CDH11: variants seen among roughly 807,000 people sequenced by gnomAD.
CDH11 encodes cadherin-11.
A neutral mutation model predicts 67.8 loss-of-function variants in CDH11; 11 were observed. The observed-to-expected ratio is 0.16, with a 90% CI of 0.10 to 0.27. The LOEUF (loss-of-function observed/expected upper bound fraction) is 0.27, where lower values mean the gene tolerates loss of function less well. CDH11 is among the 10% of genes least tolerant of loss of function. The pLI is 1.00. For synonymous variants in CDH11, 419 were observed against 400.0 expected, an observed-to-expected ratio of 1.05 and a Z score of -0.57; for missense variants, 847 against 1,031.2, an observed-to-expected ratio of 0.82 and a Z score of 2.45.
rs771089094 is a variant in CDH11 at position 64,982,239 on chromosome 16, G to T, written c.1062C>A (p.Ile354=). The change falls in exon 8 of 13, where the codon ATC becomes ATA. Residue 354 remains isoleucine (I), a synonymous_variant. Coordinates refer to ENST00000268603, the MANE Select transcript of CDH11 (RefSeq NM_001797.4). ...GGCCATTGCTGATAAACTTCGGGTCGATGTGCACGTTGGCTGCCTCTACCT... is the reference window on the plus strand; with the variant it reads ...GGCCATTGCTGATAAACTTCGGGTCTATGTGCACGTTGGCTGCCTCTACCT... ...SLKVEAANVH[I]DPKFISNGPF... is the part of the protein sequence containing the mutation. The T allele has an allele frequency of 1.2e-6, 2 of 1,613,340 alleles. No individual in the cohort carries two copies. Among genetic ancestry groups the T allele is most frequent in the South Asian group, 1.1e-5 (1 of 91,068 alleles).
chr16:64,959,848 C>T (rs924487810), intron 11 of CDH11, among the ~76,000 whole-genome samples: 7 of 152,068 alleles, frequency 4.6e-5, no homozygotes, highest in South Asian at 2.1e-4. Flanking sequence ...GTCCTTAGTT[C>T]GGGGGGAAAA....
intron 2 of CDH11, among the ~76,000 whole-genome samples, chr16:65,046,206 C>T (rs2073959767): frequency 6.6e-6 from 1 of 152,176 alleles, no homozygotes; most frequent in Non-Finnish European, 1.5e-5. Flanking sequence ...ACAAGCTGAA[C>T]AGAAGAGATA....
At chr16:65,076,689 C>G (rs2074515987) in intron 1 of CDH11, among the ~76,000 whole-genome samples, 1 of 149,810 alleles carries the variant, frequency 6.7e-6, no homozygotes, top group African/African-American at 2.5e-5. Flanking sequence ...GCCCCCCACC[C>G]CCCGACAAGC....
At chr16:64,971,336 C>T (rs1367387806) in intron 11 of CDH11, among the ~76,000 whole-genome samples, 1 of 152,086 alleles carries the variant, frequency 6.6e-6, no homozygotes, top group Non-Finnish European at 1.5e-5. Flanking sequence ...GTAAGCTTCC[C>T]CACTTAGTTT....
chr16:65,034,440 T>C (rs2073711161), intron 2 of CDH11, among the ~76,000 whole-genome samples: 1 of 152,182 alleles, frequency 6.6e-6, no homozygotes, highest in South Asian at 2.1e-4. Flanking sequence ...ACTGCCAGGA[T>C]GCCAGCCACC....
At chr16:65,094,227 A>G (rs2074844375) in intron 1 of CDH11, among the ~76,000 whole-genome samples, 1 of 152,236 alleles carries the variant, frequency 6.6e-6, no homozygotes, top group Admixed American at 6.5e-5. Context: ...ACCATAATTT[A>G]TGACACATAG....
At chr16:64,957,893 G>A (rs946271506) in intron 11 of CDH11, among the ~76,000 whole-genome samples, 3 of 152,028 alleles carry the variant, frequency 2.0e-5, no homozygotes, top group Non-Finnish European at 4.4e-5. Context: ...CAATCCAAGG[G>A]ACTGAAATAA....
At chr16:65,082,325 T>C (rs2074624262) in intron 1 of CDH11, among the ~76,000 whole-genome samples, 1 of 152,172 alleles carries the variant, frequency 6.6e-6, no homozygotes, top group Admixed American at 6.5e-5. Context: ...TGCTCACCAT[T>C]GGACTGGGTG....
chr16:65,096,684 A>G (rs1026440377), intron 1 of CDH11, among the ~76,000 whole-genome samples: 4 of 149,186 alleles, frequency 2.7e-5, no homozygotes. Context: ...TTTGATATAT[A>G]CAAATATATA....
chr16:64,974,820 A>G (rs1266181120), intron 8 of CDH11, among the ~76,000 whole-genome samples: 2 of 152,230 alleles, frequency 1.3e-5, no homozygotes, highest in Non-Finnish European at 2.9e-5. Flanking sequence ...GGGAAGAAAG[A>G]TCATTAATAA....
At chr16:65,077,751 CAAATAT>C (rs2074538868) in intron 1 of CDH11, among the ~76,000 whole-genome samples, 1 of 152,198 alleles carries the variant, frequency 6.6e-6, no homozygotes, top group South Asian at 2.1e-4. Flanking sequence ...TCAAGTTTCA[CAAATAT>C]TTGGTGGAAC....
chr16:65,113,820 C>T (rs2075199358), intron 1 of CDH11, among the ~76,000 whole-genome samples: 1 of 152,146 alleles, frequency 6.6e-6, no homozygotes, highest in African/African-American at 2.4e-5. Flanking sequence ...TTCCACCGCA[C>T]CCCTCTGCCC....
chr16:65,095,055 C>T (rs190729520), intron 1 of CDH11, among the ~76,000 whole-genome samples: 1 of 152,148 alleles, frequency 6.6e-6, no homozygotes, highest in South Asian at 2.1e-4. Flanking sequence ...TCACCAGAAC[C>T]TGTGAAGTTG....
intron 1 of CDH11, among the ~76,000 whole-genome samples, chr16:65,055,869 G>A (rs2074133574): frequency 6.6e-6 from 1 of 152,194 alleles, no homozygotes; most frequent in Admixed American, 6.5e-5. Flanking sequence ...GTATTCAGAG[G>A]TGGGGCCTAT....
Position 65,121,099 on chromosome 16 carries a change from G to T in CDH11, c.-298+781C>A, listed in dbSNP as rs1293065514. Among the ~76,000 whole-genome samples the T allele has an allele frequency of 6.6e-6, 1 of 152,086 alleles. No individual in the cohort carries two copies. The highest frequency in any genetic ancestry group is 2.4e-5 in the African/African-American group (1 of 41,434). The stretch of plus-strand genomic sequence containing the variant: ...GGAAGGTGTGGTTCTCAAAGTTAAC[G>T]TTGACCCTGGCAGCTTTCGCCAATC... On this transcript the variant is annotated intron_variant, in intron 1 of 12. Coordinates refer to ENST00000268603, the MANE Select transcript of CDH11 (RefSeq NM_001797.4). The surrounding 1 kb of genome is among the most constrained non-coding windows in gnomAD (Gnocchi z 4.1).
At chr16:64,999,324 T>G (rs776906031) in intron 3 of CDH11, among the ~76,000 whole-genome samples, 5 of 152,178 alleles carry the variant, frequency 3.3e-5, no homozygotes, top group Non-Finnish European at 7.3e-5. Context: ...ATAAGAGATA[T>G]TCTATTCTAT....
chr16:64,959,217 C>T (rs2071604928), intron 11 of CDH11, among the ~76,000 whole-genome samples: 1 of 152,154 alleles, frequency 6.6e-6, no homozygotes, highest in Non-Finnish European at 1.5e-5. Flanking sequence ...TGCCTGTGTG[C>T]ATGTGAAATT....
chr16:65,086,450 G>A (rs529487348), intron 1 of CDH11, among the ~76,000 whole-genome samples: 4 of 152,314 alleles, frequency 2.6e-5, no homozygotes, highest in African/African-American at 7.2e-5. Flanking sequence ...AGCACACTGT[G>A]AAAGCTACAT....
intron 2 of CDH11, among the ~76,000 whole-genome samples, chr16:65,006,213 G>A (rs754004775): frequency 5.9e-5 from 9 of 152,170 alleles, no homozygotes; most frequent in African/African-American, 1.7e-4. Flanking sequence ...CCAATGTGAG[G>A]GAATCTGAGA....
Sources: gnomAD v4.1 joint callset for allele counts (sites outside exome capture counted in the v4.1 genomes callset) on GRCh38, gnomAD v4.1.1 for gene constraint, Gnocchi (gnomAD v3.1) non-coding constraint, MANE v1.5 for transcripts, NCBI Gene and HGNC (gene_info 2026-07-23, HGNC 2026-07-21) for gene names.